C12orf42: variants seen among roughly 807,000 people sequenced by gnomAD.
C12orf42 encodes the protein uncharacterized protein C12orf42.
In C12orf42, 25 loss-of-function variants were observed where a neutral mutation model predicts 21.6. The ratio of observed to expected loss-of-function variants is 1.16; its 90% CI spans 0.84 to 1.62. The LOEUF (loss-of-function observed/expected upper bound fraction) is 1.62, where lower values mean the gene tolerates loss of function less well. Among genes scored for constraint, C12orf42 ranks in the 40% most tolerant of loss-of-function variants. C12orf42 has a pLI of 0.00. For missense variants in C12orf42, 483 were observed against 459.3 expected (o/e 1.05, Z -0.47); for synonymous variants, 174 against 175.0 (o/e 0.99, Z 0.05).
chr12:103,438,041 CA>C (rs1950886081), intron 2 of C12orf42, among the ~76,000 whole-genome samples: 1 of 150,944 alleles, frequency 6.6e-6, no homozygotes, highest in African/African-American at 2.4e-5. Flanking sequence ...AGCAGCACAT[CA>C]AAAAGCTTAT....
At chr12:103,124,342 C>A in the C12orf42 span, among the ~76,000 whole-genome samples, 1 of 151,924 alleles carries the variant, frequency 6.6e-6, no homozygotes, top group Non-Finnish European at 1.5e-5. Context: ...CATCAAGGTT[C>A]TCCCTGAAGA....
chr12:103,448,151 C>G lies in C12orf42; in HGVS notation c.78+30198G>C, dbSNP rs190374855. On this transcript the variant is annotated intron_variant, in intron 2 of 5. Coordinates refer to ENST00000548883, the MANE Select transcript of C12orf42 (RefSeq NM_198521.5). ...AGAGATAAAGCCAAATGCTTATAGC[C>G]AACTGACCTTCAACAAAGCAAACAA... is the stretch of plus-strand genomic sequence containing the variant. Among the ~76,000 whole-genome samples the G allele has an allele frequency of 6.3e-4, 95 of 151,992 alleles. 1 individual carries two copies. In the East Asian group the frequency reaches 0.014, roughly 23 times the overall value.
At chr12:103,145,063 C>T in the C12orf42 span, among the ~76,000 whole-genome samples, 1 of 152,096 alleles carries the variant, frequency 6.6e-6, no homozygotes, top group Non-Finnish European at 1.5e-5. Flanking sequence ...CATGACTACA[C>T]ACAATGAGGG....
the C12orf42 span, among the ~76,000 whole-genome samples, chr12:103,158,275 T>G: frequency 6.6e-6 from 1 of 152,196 alleles, no homozygotes; most frequent in African/African-American, 2.4e-5. Flanking sequence ...ATGTCAGGTT[T>G]CATTCCCAAA....
At position 103,285,343 on chromosome 12, in the gene C12orf42, G is replaced by C. The variant is rs370918257; in HGVS notation, n.338-8133C>G. Among the ~76,000 whole-genome samples the C allele has an allele frequency of 5.9e-5, 9 of 152,138 alleles. No homozygotes were observed. The East Asian group carries it at 7.7e-4, about 13-fold the overall frequency. ...CATATATCACTATTAACCTTCCTAAGGATCCAGCCAGGTAAGAATTATTTC... is the reference window on the plus strand; with the variant it reads ...CATATATCACTATTAACCTTCCTAACGATCCAGCCAGGTAAGAATTATTTC... On this transcript the variant is annotated intron_variant and non_coding_transcript_variant, in intron 4 of 6. Coordinates refer to the C12orf42 transcript ENST00000546526.
the C12orf42 span, among the ~76,000 whole-genome samples, chr12:103,125,634 A>G: frequency 6.6e-6 from 1 of 152,204 alleles, no homozygotes; most frequent in Non-Finnish European, 1.5e-5. Context: ...TATATTGTAT[A>G]CCAAAATGTA....
At chr12:103,227,577 C>A in the C12orf42 span, among the ~76,000 whole-genome samples, 3 of 151,726 alleles carry the variant, frequency 2.0e-5, no homozygotes, top group Admixed American at 2.0e-4. Context: ...GGTACTTGCC[C>A]CTCTCCCAGA....
chr12:103,309,387 CT>C (rs1193451977), intron 4 of C12orf42, among the ~76,000 whole-genome samples: 1 of 152,014 alleles, frequency 6.6e-6, no homozygotes, highest in African/African-American at 2.4e-5. Context: ...AAAACATTTT[CT>C]TTTCTTTAGA....
chr12:103,251,496 T>C (rs188433117), intron 10 of C12orf42, among the ~76,000 whole-genome samples: 6 of 152,310 alleles, frequency 3.9e-5, no homozygotes, highest in Admixed American at 2.6e-4. Context: ...AAAATTGCAG[T>C]CCTTGTGCTG....
the C12orf42 span, among the ~76,000 whole-genome samples, chr12:103,139,617 G>T: frequency 6.6e-6 from 1 of 152,160 alleles, no homozygotes; most frequent in African/African-American, 2.4e-5. Flanking sequence ...AAGAAAGAAA[G>T]AAAGAAGCAG....
At chr12:103,066,956 C>T in the C12orf42 span, among the ~76,000 whole-genome samples, 2 of 152,272 alleles carry the variant, frequency 1.3e-5, no homozygotes, top group Non-Finnish European at 2.9e-5. Context: ...ACAAAGTGGC[C>T]ATGGTGGCAG....
intron 4 of C12orf42, among the ~76,000 whole-genome samples, chr12:103,293,352 C>T (rs957711719): frequency 5.9e-5 from 9 of 152,124 alleles, no homozygotes; most frequent in African/African-American, 1.9e-4. Flanking sequence ...GTTTCCTCTA[C>T]CTAACTATGT....
the C12orf42 span, among the ~76,000 whole-genome samples, chr12:103,068,257 ATTT>A: frequency 4.6e-5 from 7 of 152,048 alleles, no homozygotes; most frequent in African/African-American, 1.7e-4. Context: ...CCTTCATTTT[ATTT>A]TTTTCTCCTT....
intron 2 of C12orf42, among the ~76,000 whole-genome samples, chr12:103,430,178 T>G (rs975901261): frequency 2.6e-5 from 4 of 152,104 alleles, no homozygotes; most frequent in African/African-American, 7.2e-5. Context: ...AACAGGCAAC[T>G]TACAGAATGG....
chr12:103,221,464 T>G, the C12orf42 span, among the ~76,000 whole-genome samples: 2 of 152,256 alleles, frequency 1.3e-5, no homozygotes, highest in Admixed American at 6.5e-5. Context: ...TGCATTCACT[T>G]ATATGTCCAT....
chr12:103,377,259 A>G (rs1277210564), intron 3 of C12orf42, among the ~76,000 whole-genome samples: 1 of 151,840 alleles, frequency 6.6e-6, no homozygotes, highest in Non-Finnish European at 1.5e-5. Context: ...ATCTTATGTT[A>G]AAAGCCTTCC....
chr12:103,230,883 T>C, the C12orf42 span, among the ~76,000 whole-genome samples: 1 of 152,192 alleles, frequency 6.6e-6, no homozygotes, highest in African/African-American at 2.4e-5. Context: ...GAGTTGGATT[T>C]TTAGTTCATA....
At chr12:103,203,854 T>A in the C12orf42 span, among the ~76,000 whole-genome samples, 1 of 152,168 alleles carries the variant, frequency 6.6e-6, no homozygotes, top group African/African-American at 2.4e-5. Flanking sequence ...CTAGGAAAGA[T>A]GAGCACCCAA....
chr12:103,552,539 G>T, the C12orf42 span, among the ~76,000 whole-genome samples: 6 of 152,316 alleles, frequency 3.9e-5, no homozygotes, highest in Non-Finnish European at 8.8e-5. Context: ...AGGGAATGGT[G>T]AAAAGGAAAT....
Sources: gnomAD v4.1 joint callset for allele counts (sites outside exome capture counted in the v4.1 genomes callset) on GRCh38, gnomAD v4.1.1 for gene constraint, MANE v1.5 for transcripts, NCBI Gene and HGNC (gene_info 2026-07-23, HGNC 2026-07-21) for gene names.